Variants in CNTNAP2 observed in about 807,000 individuals in gnomAD.
CNTNAP2 encodes the protein contactin-associated protein-like 2.
A neutral mutation model predicts 155.2 loss-of-function variants in CNTNAP2; 98 were observed. The ratio of observed to expected loss-of-function variants is 0.63; its 90% CI spans 0.54 to 0.75. The LOEUF is 0.75. Among genes scored for constraint, CNTNAP2 ranks in the 30% least tolerant of loss-of-function variants. The pLI is 0.00. For synonymous variants in CNTNAP2, 651 were observed against 631.2 expected, an observed-to-expected ratio of 1.03 and a Z score of -0.47; for missense variants, 1,727 against 1,688.1, an observed-to-expected ratio of 1.02 and a Z score of -0.40.
intron 1 of CNTNAP2, among the ~76,000 whole-genome samples, chr7:146,763,055 G>T (rs947992731): frequency 6.6e-6 from 1 of 151,998 alleles, no homozygotes; most frequent in Admixed American, 6.6e-5. Context: ...ATGCGATTTG[G>T]GTTGGGACAC....
intron 10 of CNTNAP2, among the ~76,000 whole-genome samples, chr7:147,421,977 A>T (rs929654468): frequency 3.3e-5 from 5 of 152,008 alleles, no homozygotes; most frequent in Admixed American, 2.6e-4. Flanking sequence ...TGTTTCTTGT[A>T]CAGCCTATAG....
At chr7:146,753,589 T>A (rs139488497) in intron 1 of CNTNAP2, among the ~76,000 whole-genome samples, 144 of 152,218 alleles carry the variant, frequency 9.5e-4, no homozygotes, top group Non-Finnish European at 1.7e-3. Flanking sequence ...TAAAATCATG[T>A]TGAATTTTAT....
At chr7:146,607,230 T>C (rs1346136467) in intron 1 of CNTNAP2, among the ~76,000 whole-genome samples, 1 of 152,162 alleles carries the variant, frequency 6.6e-6, no homozygotes, top group Non-Finnish European at 1.5e-5. Context: ...AACGTTTGAA[T>C]CTTCTATGGA....
intron 15 of CNTNAP2, among the ~76,000 whole-genome samples, chr7:148,021,760 G>A (rs1048863612): frequency 1.3e-5 from 2 of 152,176 alleles, no homozygotes; most frequent in Non-Finnish European, 2.9e-5. Context: ...GGCTCGCAGA[G>A]AAGGGCACCA....
chr7:148,240,500 CAG>C (rs1796126068), intron 20 of CNTNAP2, among the ~76,000 whole-genome samples: 1 of 152,144 alleles, frequency 6.6e-6, no homozygotes, highest in South Asian at 2.1e-4. Context: ...TCAGTGTAAA[CAG>C]AGACCCCACG....
At chr7:148,113,321 G>A (rs1432313395) in intron 15 of CNTNAP2, among the ~76,000 whole-genome samples, 1 of 152,112 alleles carries the variant, frequency 6.6e-6, no homozygotes, top group Non-Finnish European at 1.5e-5. Flanking sequence ...AGAGAGAAGG[G>A]AAGGTGCTGC....
chr7:146,386,886 A>G (rs1795469026), intron 1 of CNTNAP2, among the ~76,000 whole-genome samples: 1 of 152,048 alleles, frequency 6.6e-6, no homozygotes, highest in Admixed American at 6.6e-5. Context: ...CCCCTCAAAT[A>G]CCTTGACATT....
chr7:147,037,447 T>C (rs927718187), intron 3 of CNTNAP2, among the ~76,000 whole-genome samples: 1 of 148,950 alleles, frequency 6.7e-6, no homozygotes, highest in Admixed American at 6.7e-5. Flanking sequence ...GTTTTGTTTT[T>C]TTTTTCCCTT....
intron 15 of CNTNAP2, among the ~76,000 whole-genome samples, chr7:147,979,662 G>A (rs112657756): frequency 1.3e-4 from 19 of 151,638 alleles, no homozygotes; most frequent in South Asian, 6.3e-4. Context: ...TTGCTCTGTC[G>A]CCCAGGCTGG....
chr7:146,902,600 A>C (rs923379559), intron 3 of CNTNAP2, among the ~76,000 whole-genome samples: 2 of 152,218 alleles, frequency 1.3e-5, no homozygotes, highest in Non-Finnish European at 2.9e-5. Context: ...TGTGGCTTTC[A>C]TCACTTTCTC....
chr7:147,051,981 T>C lies in CNTNAP2; in HGVS notation c.550+7927T>C, dbSNP rs944218448. Reference sequence around the variant, plus strand: ...GTCATATTGTGTTTTATGCTCCAAATATGAATACAAGCTATATTTCCTAAT... The same window carrying C: ...GTCATATTGTGTTTTATGCTCCAAACATGAATACAAGCTATATTTCCTAAT... On this transcript the variant is annotated intron_variant, in intron 4 of 23. Coordinates refer to ENST00000361727, the MANE Select transcript of CNTNAP2 (RefSeq NM_014141.6). 1.1e-4 allele frequency among the ~76,000 whole-genome samples: 17 copies of C among 152,254 alleles called. No individual in the cohort carries two copies. The South Asian group carries it at 1.9e-3, about 17-fold the overall frequency.
intron 15 of CNTNAP2, among the ~76,000 whole-genome samples, chr7:148,082,222 T>C (rs1380781432): frequency 6.6e-6 from 1 of 152,186 alleles, no homozygotes; most frequent in Admixed American, 6.5e-5. Context: ...TGAGTGGCTG[T>C]GGATAAAAGC....
intron 1 of CNTNAP2, among the ~76,000 whole-genome samples, chr7:146,442,920 A>C (rs186233942): frequency 1.2e-3 from 184 of 152,128 alleles, no homozygotes; most frequent in African/African-American, 4.3e-3. Flanking sequence ...AAAAATAAAA[A>C]CATGGGCCGG....
chr7:148,272,891 T>A (rs532957148), intron 21 of CNTNAP2, among the ~76,000 whole-genome samples: 108 of 152,290 alleles, frequency 7.1e-4, no homozygotes, highest in Non-Finnish European at 1.2e-3. Context: ...TGGGAATGTC[T>A]GATCAGAAAA....
At chr7:147,464,377 G>T (rs1281220680) in intron 10 of CNTNAP2, among the ~76,000 whole-genome samples, 1 of 149,036 alleles carries the variant, frequency 6.7e-6, no homozygotes, top group Non-Finnish European at 1.5e-5. Flanking sequence ...TGAGGCAGGA[G>T]AATTGCTTGA....
At chr7:146,509,842 C>A (rs1797440484) in intron 1 of CNTNAP2, among the ~76,000 whole-genome samples, 1 of 152,198 alleles carries the variant, frequency 6.6e-6, no homozygotes, top group Admixed American at 6.5e-5. Flanking sequence ...CACTCCTTCT[C>A]AGTGCTCTGT....
At chr7:147,147,865 TATA>T (rs1475862408) in intron 8 of CNTNAP2, among the ~76,000 whole-genome samples, 3 of 152,146 alleles carry the variant, frequency 2.0e-5, no homozygotes, top group African/African-American at 7.2e-5. Flanking sequence ...GAAAAAATTA[TATA>T]ATGAGAGAAA....
At chr7:146,395,621 A>G (rs368599367) in intron 1 of CNTNAP2, among the ~76,000 whole-genome samples, 1 of 152,136 alleles carries the variant, frequency 6.6e-6, no homozygotes, top group Admixed American at 6.6e-5. Flanking sequence ...CTAATATTCT[A>G]AATCACCTTA....
chr7:147,290,813 C>T (rs1805288927), intron 8 of CNTNAP2, among the ~76,000 whole-genome samples: 1 of 151,884 alleles, frequency 6.6e-6, no homozygotes, highest in East Asian at 2.0e-4. Flanking sequence ...CAGTTGGAAA[C>T]TTGTGCCTTA....
Sources: gnomAD v4.1 joint callset for allele counts (sites outside exome capture counted in the v4.1 genomes callset) on GRCh38, gnomAD v4.1.1 for gene constraint, MANE v1.5 for transcripts, NCBI Gene and HGNC (gene_info 2026-07-23, HGNC 2026-07-21) for gene names.